Variants in TRRAP observed in about 807,000 individuals in gnomAD.
TRRAP encodes the protein transformation/transcription domain-associated protein.
In TRRAP, 41 loss-of-function variants were observed where a neutral mutation model predicts 438.8. The ratio of observed to expected loss-of-function variants is 0.09; its 90% CI spans 0.07 to 0.12. TRRAP has a LOEUF of 0.12. Ranked by LOEUF, TRRAP falls within the 10% of genes least tolerant of loss-of-function variation. TRRAP has a pLI of 1.00. For missense variants in TRRAP, 3,122 were observed against 5,055.1 expected, an observed-to-expected ratio of 0.62 and a Z score of 11.60; for synonymous variants, 1,994 against 1,962.9, an observed-to-expected ratio of 1.02 and a Z score of -0.42.
At chr7:98,914,350 C>T (rs1554409261) in intron 18 of TRRAP, among the ~76,000 whole-genome samples, 1 of 152,076 alleles carries the variant, frequency 6.6e-6, no homozygotes, top group Non-Finnish European at 1.5e-5. Flanking sequence ...CTGCAGTGCA[C>T]TTCAGCTTAG....
intron 1 of TRRAP, among the ~76,000 whole-genome samples, chr7:98,879,084 G>T (rs1483761514): frequency 1.3e-5 from 2 of 152,332 alleles, no homozygotes; most frequent in East Asian, 3.9e-4. Context: ...AGCGAAGGTA[G>T]CGGCGACCAC....
At chr7:98,958,877 A>G (rs1021857462) in intron 44 of TRRAP, among the ~76,000 whole-genome samples, 1 of 152,200 alleles carries the variant, frequency 6.6e-6, no homozygotes, top group African/African-American at 2.4e-5. Flanking sequence ...TCTATATCTT[A>G]ATAGAATTTT....
At chr7:98,944,929 C>G (rs1333245300) in intron 31 of TRRAP, among the ~76,000 whole-genome samples, 2 of 152,148 alleles carry the variant, frequency 1.3e-5, no homozygotes, top group African/African-American at 4.8e-5. Flanking sequence ...CTCAGCCTCC[C>G]AAGTAGCTGG....
At position 99,010,861 on chromosome 7, in the gene TRRAP, C is replaced by A. The variant is rs545152742; in HGVS notation, c.10939-191C>A. 1.5e-3 allele frequency among the ~76,000 whole-genome samples: 229 copies of A among 152,306 alleles called. 2 individuals are homozygous for A. Among genetic ancestry groups the A allele is most frequent in the African/African-American group, 5.3e-3 (219 of 41,560 alleles). On this transcript the variant is annotated intron_variant, in intron 70 of 72. Transcript: ENST00000456197. Reference sequence around the variant, plus strand: ...TGCTTTAGAGCAGACAGTGGCGAACCCTGGAGGGAAACAGCCATCTTGTGC... The same window carrying A: ...TGCTTTAGAGCAGACAGTGGCGAACACTGGAGGGAAACAGCCATCTTGTGC...
rs143025018 is a variant in TRRAP, at chr7:98,913,310, T to G, written c.2199+1097T>G. 6.3e-4 allele frequency among the ~76,000 whole-genome samples: 91 copies of G among 145,388 alleles called. 1 individual carries two copies. The highest frequency in any genetic ancestry group is 2.3e-3 in the African/African-American group (87 of 38,222). ...TTTTTGCTTTTTTTGTTTTTTTGGGTTTTTTTTTTGAGTCTGTCACCCAGG... is the reference window on the plus strand; with the variant it reads ...TTTTTGCTTTTTTTGTTTTTTTGGGGTTTTTTTTTGAGTCTGTCACCCAGG... On this transcript the variant is annotated intron_variant, in intron 18 of 72. Coordinates refer to ENST00000456197, the MANE Select transcript of TRRAP (RefSeq NM_001375524.1).
At chr7:98,895,650 C>T (rs1796163138) in intron 6 of TRRAP, 114 bp from the exon 7 acceptor site, 1 of 778,374 alleles carries the variant, frequency 1.3e-6, no homozygotes. Flanking sequence ...CACCATTTTC[C>T]TTACCTCTCT....
chr7:98,939,900 G>A (rs1188638041), intron 30 of TRRAP, among the ~76,000 whole-genome samples: 4 of 152,026 alleles, frequency 2.6e-5, no homozygotes, highest in Non-Finnish European at 5.9e-5. Flanking sequence ...TTTTATTTTT[G>A]AGACAGAGTA....
At chr7:98,905,800 T>G (rs1796699486) in intron 12 of TRRAP, among the ~76,000 whole-genome samples, 1 of 152,198 alleles carries the variant, frequency 6.6e-6, no homozygotes, top group African/African-American at 2.4e-5. Flanking sequence ...AAGGGGCATT[T>G]AGGAGATCCT....
Position 98,988,883 on chromosome 7 carries a change from C to T in TRRAP, c.9508C>T (p.His3170Tyr), listed in dbSNP as rs1310360975. The change falls in exon 63 of 73, where the codon CAC (histidine) becomes TAC (tyrosine). Residue 3170 changes from histidine to tyrosine, a missense_variant. This residue lies in a region of TRRAP where 23 missense variants were observed against 18.2 expected (regional missense o/e 1.27). Transcript: ENST00000456197. ...ENIFVKERQL[H>Y]LGVSAITCYL... ...CATCTTTGTGAAGGAGCGGCAGCTG[C>T]ACCTGGGCGTGTCTGCCATCACCTG... 2 of 1,614,066 alleles carry T rather than the reference C, an allele frequency of 1.2e-6. No homozygotes were observed. The highest frequency in any genetic ancestry group is 1.3e-5 in the African/African-American group (1 of 74,924).
At chr7:98,977,503 C>T (rs1225979800) in intron 56 of TRRAP, among the ~76,000 whole-genome samples, 6 of 152,206 alleles carry the variant, frequency 3.9e-5, no homozygotes, top group Non-Finnish European at 4.4e-5. Flanking sequence ...CAGTCCCGCA[C>T]GTAAAGGCTC....
intron 67 of TRRAP, among the ~76,000 whole-genome samples, chr7:99,000,460 T>G (rs1323227263): frequency 6.6e-6 from 1 of 152,232 alleles, no homozygotes; most frequent in Non-Finnish European, 1.5e-5. Context: ...CGGAAACTGC[T>G]ACCCCAGTGA....
chr7:99,000,995 A>T lies in TRRAP; in HGVS notation c.10310-3195A>T, dbSNP rs140177393. 6.1e-3 allele frequency among the ~76,000 whole-genome samples: 935 copies of T among 152,328 alleles called. 17 individuals are homozygous for T. Among genetic ancestry groups the T allele is most frequent in the African/African-American group, 0.021 (882 of 41,554 alleles). ...CACTGATGGGTTAAATCGTAGACTA[A>T]GTGGTTCACATGTGTGGTATTCAAA... On this transcript the variant is annotated intron_variant, in intron 67 of 72. Transcript: ENST00000456197.
In TRRAP at chr7:99,011,359, G is replaced by A. The variant is rs1794418134; in HGVS notation, c.11161G>A (p.Val3721Ile). The change falls in exon 72 of 73, where the codon GTT (valine) becomes ATT (isoleucine). Residue 3721 changes from valine (V) to isoleucine (I), a missense_variant. This residue lies in a region of TRRAP where 192 missense variants were observed against 355.6 expected (regional missense o/e 0.54). Coordinates refer to ENST00000456197, the MANE Select transcript of TRRAP (RefSeq NM_001375524.1). This position sits in a 1 kb window ranked among gnomAD's most constrained non-coding sequence, Gnocchi z 7.1. ...AATTTAGGACACTGGCAAACTGAAT[G>A]TTGCCTACTTTCGATTTGACATAAA... is the stretch of plus-strand genomic sequence containing the variant. ...QIAQDTGKLN[V>I]AYFRFDINDA... 1 of 1,614,160 alleles carries A rather than the reference G, an allele frequency of 6.2e-7. No individual in the cohort carries two copies. Among genetic ancestry groups the A allele is most frequent in the South Asian group, 1.1e-5 (1 of 91,086 alleles).
At chr7:98,896,295 G>T in intron 7 of TRRAP, among the ~76,000 whole-genome samples, 1 of 151,858 alleles carries the variant, frequency 6.6e-6, no homozygotes, top group East Asian at 1.9e-4. Context: ...ACAGGTTTGT[G>T]GAGTAGAGGA....
chr7:98,949,790 C>T lies in TRRAP; in HGVS notation c.5084C>T (p.Thr1695Ile). 1.9e-6 allele frequency: 3 copies of T among 1,613,826 alleles called. No homozygotes were observed. The highest frequency in any genetic ancestry group is 2.5e-6 in the Non-Finnish European group (3 of 1,180,032). Residue 1695 changes from threonine (T) to isoleucine (I), a missense_variant, in exon 37 of 73, where the codon ACC becomes ATC. Around this residue, in one of 24 missense-constraint regions of TRRAP, gnomAD observed 272 missense variants for 348.5 expected, o/e 0.78. Transcript: ENST00000456197. Reference sequence around the variant, plus strand: ...CACCGCAAGGAGAACATGGCAGCCACCAACTGGAAGGAGCCCAAGCTGCTG... The same window carrying T: ...CACCGCAAGGAGAACATGGCAGCCATCAACTGGAAGGAGCCCAAGCTGCTG... ...ERHRKENMAA[T>I]NWKEPKLLAY...
At chr7:98,990,680 C>A in intron 64 of TRRAP, 61 bp downstream of exon 64, 3 of 1,524,082 alleles carry the variant, frequency 2.0e-6, no homozygotes, top group South Asian at 1.3e-5. Context: ...ATTTTGCGTT[C>A]TTTTTTCTCC....
At chr7:98,987,891 T>G (rs1793221688) in intron 62 of TRRAP, among the ~76,000 whole-genome samples, 1 of 152,232 alleles carries the variant, frequency 6.6e-6, no homozygotes, top group African/African-American at 2.4e-5. Flanking sequence ...GAGATGTTGT[T>G]GGACTTTTTT....
At chr7:98,903,881 C>T (rs569664836) in intron 12 of TRRAP, among the ~76,000 whole-genome samples, 14 of 152,256 alleles carry the variant, frequency 9.2e-5, no homozygotes, top group African/African-American at 3.1e-4. Context: ...GGAAACTCCC[C>T]TTTTTAAAAC....
Position 98,899,405 on chromosome 7 carries a change from C to G in TRRAP, c.634-17C>G, listed in dbSNP as rs1554406285. ...GCCACAATGGTAACCCGGGTCCTAC[C>G]CATTTCTGTCTTCCAGCATTCCATC... On this transcript the variant is annotated splice_polypyrimidine_tract_variant and intron_variant, in intron 8 of 72. Transcript: ENST00000456197. 5.6e-6 allele frequency: 9 copies of G among 1,613,604 alleles called. 1 individual carries two copies. In the South Asian group the frequency reaches 8.8e-5, roughly 16 times the overall value.
Sources: allele counts gnomAD v4.1 joint callset (sites outside exome capture counted in the v4.1 genomes callset), GRCh38; gene constraint gnomAD v4.1.1; regional missense constraint gnomAD v4.1.1; non-coding constraint Gnocchi (gnomAD v3.1); transcripts MANE v1.5; gene names NCBI Gene and HGNC (gene_info 2026-07-23, HGNC 2026-07-21).